NR6A1: variants seen among roughly 807,000 people sequenced by gnomAD.
The protein encoded by NR6A1 is nuclear receptor subfamily 6 group A member 1, also known as retinoic acid receptor-related testis-associated receptor.
NR6A1 carries 7 observed loss-of-function variants against 59.1 expected under a neutral mutation model. The ratio of observed to expected loss-of-function variants is 0.12; its 90% CI spans 0.07 to 0.22. The LOEUF is 0.22. Among genes scored for constraint, NR6A1 ranks in the 10% least tolerant of loss-of-function variants. NR6A1 has a pLI of 1.00. For synonymous variants in NR6A1, 243 were observed against 236.1 expected (o/e 1.03, Z -0.27); for missense variants, 468 against 611.6 (o/e 0.77, Z 2.48).
chr9:124,762,335 A>G (rs1383312504), intron 1 of NR6A1, among the ~76,000 whole-genome samples: 2 of 152,240 alleles, frequency 1.3e-5, no homozygotes, highest in Non-Finnish European at 2.9e-5. Context: ...TATGAAAAAT[A>G]AAATTGTCCA....
intron 2 of NR6A1, among the ~76,000 whole-genome samples, chr9:124,622,964 G>A (rs1165729878): frequency 2.6e-5 from 4 of 152,146 alleles, no homozygotes; most frequent in African/African-American, 9.7e-5. Flanking sequence ...GACTCACAAT[G>A]TAATAAAACT....
At chr9:124,557,769 T>C (rs1312333262) in intron 2 of NR6A1, among the ~76,000 whole-genome samples, 3 of 152,228 alleles carry the variant, frequency 2.0e-5, no homozygotes, top group African/African-American at 4.8e-5. Flanking sequence ...TGGGAAACCA[T>C]GATTGGCTAT....
chr9:124,567,995 G>A lies in NR6A1; in HGVS notation c.143-13425C>T, dbSNP rs572165548. On this transcript the variant is annotated intron_variant, in intron 2 of 9. Transcript: ENST00000487099. ...TTGAGACCATCCTGGCTAACATGGT[G>A]AAACCCCATCTCTACTAAAAATACA... Among the ~76,000 whole-genome samples the A allele has an allele frequency of 6.0e-5, 9 of 150,880 alleles. No homozygotes were observed. In the South Asian group the frequency reaches 1.9e-3, roughly 32 times the overall value.
intron 2 of NR6A1, among the ~76,000 whole-genome samples, chr9:124,580,185 A>C (rs1053720564): frequency 6.6e-6 from 1 of 152,354 alleles, no homozygotes; most frequent in Admixed American, 6.5e-5. Context: ...AATATCCTTC[A>C]ATGGGTGAAT....
At chr9:124,744,257 A>G (rs1840260947) in intron 1 of NR6A1, among the ~76,000 whole-genome samples, 1 of 151,648 alleles carries the variant, frequency 6.6e-6, no homozygotes, top group Admixed American at 6.6e-5. Context: ...AAAAGAAAAG[A>G]AATTTCAAAA....
intron 2 of NR6A1, among the ~76,000 whole-genome samples, chr9:124,621,898 T>C (rs1029146519): frequency 9.2e-5 from 14 of 152,244 alleles, no homozygotes; most frequent in African/African-American, 2.4e-4. Flanking sequence ...GCCACAGGCA[T>C]TCCCAGCACC....
intron 2 of NR6A1, among the ~76,000 whole-genome samples, chr9:124,629,453 C>G (rs1325587247): frequency 6.6e-6 from 1 of 152,200 alleles, no homozygotes; most frequent in African/African-American, 2.4e-5. Context: ...CACTTATAAT[C>G]ATGACTTTAG....
At chr9:124,617,899 A>G (rs914900451) in intron 2 of NR6A1, among the ~76,000 whole-genome samples, 1 of 149,038 alleles carries the variant, frequency 6.7e-6, no homozygotes, top group Non-Finnish European at 1.5e-5. Flanking sequence ...GCACCAAGAT[A>G]AAAAAAAGTC....
intron 4 of NR6A1, among the ~76,000 whole-genome samples, chr9:124,542,467 C>G (rs1212422356): frequency 1.3e-5 from 2 of 152,146 alleles, no homozygotes; most frequent in Non-Finnish European, 2.9e-5. Context: ...GTAAATATCT[C>G]TTGAGTCTAT....
intron 2 of NR6A1, among the ~76,000 whole-genome samples, chr9:124,628,068 G>A (rs191341547): frequency 3.0e-4 from 45 of 151,866 alleles, no homozygotes; most frequent in African/African-American, 8.4e-4. Context: ...TCGCTCTGCC[G>A]CCAGGCTGGA....
At chr9:124,767,839 C>T (rs1840983600) in intron 1 of NR6A1, among the ~76,000 whole-genome samples, 2 of 152,198 alleles carry the variant, frequency 1.3e-5, no homozygotes, top group African/African-American at 2.4e-5. Context: ...GGCTTATAAC[C>T]TTCCTTTGCC....
chr9:124,576,584 G>A lies in NR6A1; in HGVS notation c.143-22014C>T, dbSNP rs920273585. Among the ~76,000 whole-genome samples the A allele has an allele frequency of 4.4e-4, 67 of 152,128 alleles. 1 individual carries two copies. Among genetic ancestry groups the A allele is most frequent in the African/African-American group, 1.6e-3 (66 of 41,482 alleles). On this transcript the variant is annotated intron_variant, in intron 2 of 9. Coordinates refer to ENST00000487099, the MANE Select transcript of NR6A1 (RefSeq NM_033334.4). The stretch of plus-strand genomic sequence containing the variant: ...TTATAGGCGTGAACCACCGCGCCCA[G>A]CCAAGCAACACAAGCTTTGTATCCC...
At chr9:124,762,291 T>C (rs1840803824) in intron 1 of NR6A1, among the ~76,000 whole-genome samples, 1 of 152,224 alleles carries the variant, frequency 6.6e-6, no homozygotes, top group African/African-American at 2.4e-5. Context: ...TCCATTTAAA[T>C]TTAATAAATT....
At chr9:124,619,642 A>T (rs894756089) in intron 2 of NR6A1, among the ~76,000 whole-genome samples, 7 of 152,200 alleles carry the variant, frequency 4.6e-5, no homozygotes, top group Non-Finnish European at 1.0e-4. Context: ...CCCAGGTTTC[A>T]GTTTTGGCCT....
chr9:124,593,073 G>A (rs1485018989), intron 2 of NR6A1, among the ~76,000 whole-genome samples: 1 of 152,156 alleles, frequency 6.6e-6, no homozygotes, highest in Non-Finnish European at 1.5e-5. Context: ...TTTCATTGGC[G>A]GAACTGCTCA....
chr9:124,677,134 A>G (rs1837990419), intron 2 of NR6A1, among the ~76,000 whole-genome samples: 1 of 152,220 alleles, frequency 6.6e-6, no homozygotes, highest in African/African-American at 2.4e-5. Context: ...GTGCTCATAA[A>G]CTAGATATAT....
At chr9:124,695,218 C>T (rs928881195) in intron 2 of NR6A1, among the ~76,000 whole-genome samples, 1 of 152,146 alleles carries the variant, frequency 6.6e-6, no homozygotes, top group East Asian at 1.9e-4. Context: ...TTAAGTATCT[C>T]CAGACTACAT....
intron 2 of NR6A1, among the ~76,000 whole-genome samples, chr9:124,577,744 G>A (rs779043614): frequency 2.0e-5 from 3 of 152,098 alleles, no homozygotes; most frequent in African/African-American, 7.2e-5. Flanking sequence ...TTCTATTCTC[G>A]TAAATTGATG....
chr9:124,538,048 C>A (rs779716894), intron 6 of NR6A1, 44 bp downstream of exon 6: 11 of 1,525,996 alleles, frequency 7.2e-6, no homozygotes, highest in Admixed American at 1.8e-5. Context: ...GGGGTAGGGA[C>A]ACTTTGAGAC....
Sources: gnomAD v4.1 joint callset for allele counts (sites outside exome capture counted in the v4.1 genomes callset) on GRCh38, gnomAD v4.1.1 for gene constraint, MANE v1.5 for transcripts, NCBI Gene and HGNC (gene_info 2026-07-23, HGNC 2026-07-21) for gene names.